MS4A13: variants seen among roughly 807,000 people sequenced by gnomAD.
MS4A13 encodes membrane-spanning 4-domains subfamily A member 13.
In MS4A13, 21 loss-of-function variants were observed where a neutral mutation model predicts 18.4. The ratio of observed to expected loss-of-function variants is 1.14; its 90% confidence interval spans 0.81 to 1.64. The LOEUF (loss-of-function observed/expected upper bound fraction) is 1.64. Ranked by LOEUF, MS4A13 falls within the 40% of genes most tolerant of loss-of-function variation. MS4A13 has a pLI of 0.00. For synonymous variants in MS4A13, 62 were observed against 57.2 expected, an observed-to-expected ratio of 1.08 and a Z score of -0.38; for missense variants, 173 against 176.8, an observed-to-expected ratio of 0.98 and a Z score of 0.12.
intron 5 of MS4A13, among the ~76,000 whole-genome samples, chr11:60,527,665 G>C (rs1026200488): frequency 2.0e-5 from 3 of 151,852 alleles, no homozygotes; most frequent in Admixed American, 6.6e-5. Context: ...GTGAAACCCT[G>C]TCTCCACTAA....
intron 6 of MS4A13, among the ~76,000 whole-genome samples, chr11:60,539,485 C>G (rs770604043): frequency 1.1e-4 from 17 of 151,868 alleles, no homozygotes; most frequent in Non-Finnish European, 2.2e-4. Flanking sequence ...ACCTCAAAAT[C>G]CTTTGAGATA....
At chr11:60,538,337 A>T (rs1414284398) in intron 6 of MS4A13, among the ~76,000 whole-genome samples, 1 of 151,868 alleles carries the variant, frequency 6.6e-6, no homozygotes, top group Non-Finnish European at 1.5e-5. Context: ...AGTAAGCTTT[A>T]GGGATCAATT....
Position 60,518,218 on chromosome 11 carries a change from T to C in MS4A13, c.129+6T>C, listed in dbSNP as rs761626378. ...GTACTTTATGGGGAATTTTTGTGAG[T>C]AGAATACATATATATTGCTTTAATC... On this transcript the variant is annotated splice_donor_region_variant and intron_variant, in intron 3 of 6. Transcript: ENST00000378186. 114 of 1,602,334 alleles carry C rather than the reference T, an allele frequency of 7.1e-5. No homozygotes were observed. The Middle Eastern group carries it at 1.0e-3, about 14-fold the overall frequency.
chr11:60,529,786 T>G (rs987245603), intron 6 of MS4A13, among the ~76,000 whole-genome samples: 2 of 152,210 alleles, frequency 1.3e-5, no homozygotes, highest in South Asian at 4.1e-4. Context: ...TGTATTATAT[T>G]CACATTATTT....
chr11:60,527,508 G>A (rs2086727756), intron 5 of MS4A13, among the ~76,000 whole-genome samples: 1 of 150,472 alleles, frequency 6.6e-6, no homozygotes, highest in South Asian at 2.1e-4. Context: ...TTTCAGTCAG[G>A]GAGGGAGTTT....
chr11:60,541,656 G>A (rs1171184171), intron 6 of MS4A13, among the ~76,000 whole-genome samples: 2 of 152,160 alleles, frequency 1.3e-5, no homozygotes, highest in South Asian at 2.1e-4. Flanking sequence ...TTACCTTGAA[G>A]GGAAGGAATA....
chr11:60,540,112 A>G (rs2086844571), intron 6 of MS4A13, among the ~76,000 whole-genome samples: 1 of 152,220 alleles, frequency 6.6e-6, no homozygotes, highest in South Asian at 2.1e-4. Context: ...CATTAATTGC[A>G]TTGGGCTCAC....
At chr11:60,520,726 G>A (rs79737414) in intron 3 of MS4A13, among the ~76,000 whole-genome samples, 2 of 152,172 alleles carry the variant, frequency 1.3e-5, no homozygotes, top group South Asian at 4.1e-4. Context: ...AGCTTTTCCA[G>A]GCACACGGTG....
chr11:60,538,865 A>AG (rs1323777029), intron 6 of MS4A13, among the ~76,000 whole-genome samples: 1 of 132,244 alleles, frequency 7.6e-6, no homozygotes, highest in Non-Finnish European at 1.6e-5. Flanking sequence ...AATCATGATA[A>AG]GGGTTGAATG....
intron 6 of MS4A13, among the ~76,000 whole-genome samples, chr11:60,530,093 GA>G (rs1171497699): frequency 6.6e-6 from 1 of 152,178 alleles, no homozygotes; most frequent in Admixed American, 6.5e-5. Context: ...AAAAGTTTAT[GA>G]GAATGATTAT....
At chr11:60,540,818 G>C (rs1263831133) in intron 6 of MS4A13, among the ~76,000 whole-genome samples, 2 of 151,934 alleles carry the variant, frequency 1.3e-5, no homozygotes, top group Non-Finnish European at 2.9e-5. Flanking sequence ...GCTATGCATA[G>C]TGCCACATGC....
At chr11:60,521,525 G>A (rs1590871196) in intron 3 of MS4A13, among the ~76,000 whole-genome samples, 1 of 152,124 alleles carries the variant, frequency 6.6e-6, no homozygotes, top group East Asian at 1.9e-4. Flanking sequence ...AGGGAAAAAT[G>A]CCACCAGTCT....
intron 3 of MS4A13, among the ~76,000 whole-genome samples, chr11:60,520,281 T>C (rs1045833589): frequency 2.0e-5 from 3 of 152,196 alleles, no homozygotes; most frequent in Non-Finnish European, 4.4e-5. Context: ...CTAAATTTCA[T>C]GTCTTCACAT....
At chr11:60,532,017 A>T (rs2086771272) in intron 6 of MS4A13, among the ~76,000 whole-genome samples, 1 of 152,254 alleles carries the variant, frequency 6.6e-6, no homozygotes, top group African/African-American at 2.4e-5. Flanking sequence ...TAAAATGTCC[A>T]GTTTTCAACA....
intron 1 of MS4A13, 142 bp from the exon 2 acceptor site, chr11:60,515,827 T>C (rs1422723282): frequency 2.0e-5 from 3 of 152,190 alleles, no homozygotes; most frequent in African/African-American, 7.2e-5. Context: ...AGTTGATGCC[T>C]CTAATATTAA....
At chr11:60,532,669 C>G (rs1374429502) in intron 6 of MS4A13, among the ~76,000 whole-genome samples, 2,481 of 150,634 alleles carry the variant, frequency 0.016, 54 homozygotes, top group African/African-American at 0.05. Flanking sequence ...TGGAGCCCAC[C>G]ACAGCTCAAG....
intron 6 of MS4A13, among the ~76,000 whole-genome samples, chr11:60,538,015 T>C (rs1220298849): frequency 1.0e-5 from 1 of 96,690 alleles, no homozygotes; most frequent in Middle Eastern, 8.8e-3. Flanking sequence ...TATCACACTC[T>C]GGGGACTGTG....
intron 3 of MS4A13, among the ~76,000 whole-genome samples, chr11:60,522,211 GATAGATAGA>G (rs2086679444): frequency 2.5e-5 from 1 of 40,268 alleles, no homozygotes; most frequent in African/African-American, 5.4e-5. Context: ...TAGATAGATA[GATAGATAGA>G]TAGATAGATA....
chr11:60,523,953 A>T lies in MS4A13; in HGVS notation c.186A>T (p.Gly62=). Reference sequence around the variant, plus strand: ...TAACAAAGTATCCGACTCGATCTGGAGTAAGTTGAAATGTTTGAGGTATCT... The same window carrying T: ...TAACAAAGTATCCGACTCGATCTGGTGTAAGTTGAAATGTTTGAGGTATCT... ...IRVTKYPTRS[G]IISTLIINII... Residue 62 remains glycine, a splice_region_variant and synonymous_variant, in exon 4 of 7, where the codon GGA becomes GGT. Transcript: ENST00000378186. 6.6e-7 allele frequency: 1 copy of T among 1,520,840 alleles called. No individual in the cohort carries two copies. The highest frequency in any genetic ancestry group is 9.1e-7 in the Non-Finnish European group (1 of 1,096,230). 94.2% of individuals were successfully genotyped at this position (1,520,840 alleles called of 1,614,324 possible).
Sources: gnomAD v4.1 joint callset for allele counts (sites outside exome capture counted in the v4.1 genomes callset) on GRCh38, gnomAD v4.1.1 for gene constraint, MANE v1.5 for transcripts, NCBI Gene and HGNC (gene_info 2026-07-23, HGNC 2026-07-21) for gene names.